ABR: variants seen among roughly 807,000 people sequenced by gnomAD.
ABR encodes active breakpoint cluster region-related protein.
ABR carries 35 observed loss-of-function variants against 107.2 expected under a neutral mutation model. The ratio of observed to expected loss-of-function variants is 0.33; its 90% CI spans 0.25 to 0.43. The LOEUF is 0.43. Among genes scored for constraint, ABR ranks in the 20% least tolerant of loss-of-function variants. ABR has a pLI of 1.00. For synonymous variants in ABR, 498 were observed against 462.0 expected (o/e 1.08, Z -1.00); for missense variants, 815 against 1,115.2 (o/e 0.73, Z 3.83).
At chr17:1,199,701 C>A (rs974813808) in intron 1 of ABR, among the ~76,000 whole-genome samples, 2 of 152,174 alleles carry the variant, frequency 1.3e-5, no homozygotes. Flanking sequence ...GATCCACCCA[C>A]CTCAGCTGCC....
At chr17:1,035,866 G>C (rs1218847702) in intron 16 of ABR, among the ~76,000 whole-genome samples, 4 of 150,826 alleles carry the variant, frequency 2.7e-5, no homozygotes. Flanking sequence ...CTAGGGAGGG[G>C]GTCATGCCAC....
Position 1,106,691 on chromosome 17 carries a change from G to A in ABR, c.247-5956C>T, listed in dbSNP as rs576497746. Among the ~76,000 whole-genome samples the A allele has an allele frequency of 2.6e-4, 40 of 152,044 alleles. 1 individual carries two copies. In the South Asian group the frequency reaches 6.4e-3, roughly 24 times the overall value. On this transcript the variant is annotated intron_variant, in intron 2 of 22. Coordinates refer to ENST00000302538, the MANE Select transcript of ABR (RefSeq NM_021962.5). ...ATTACAGACGCCCACCACTACGCCCGGCTAATTTTTGTATTTTTAGTAGAG... is the reference window on the plus strand; with the variant it reads ...ATTACAGACGCCCACCACTACGCCCAGCTAATTTTTGTATTTTTAGTAGAG...
chr17:1,126,077 G>T (rs984579250), intron 1 of ABR, among the ~76,000 whole-genome samples: 2 of 152,152 alleles, frequency 1.3e-5, no homozygotes, highest in African/African-American at 4.8e-5. Context: ...AAGTTGAGCC[G>T]CATTAACCCC....
In ABR at chr17:1,109,128, G is replaced by GA; in HGVS notation, c.247-8394dup. ...GGGGTCCACGCAGCGGCGGCGGGAGGAGGGAGGAGGGAGGAGGCGGGCGGG... is the reference window on the plus strand; with the variant it reads ...GGGGTCCACGCAGCGGCGGCGGGAGGAAGGGAGGAGGGAGGAGGCGGGCGGG... On this transcript the variant is annotated intron_variant, in intron 2 of 22. Transcript: ENST00000302538. 1.5e-5 allele frequency: 22 copies of GA among 1,491,682 alleles called. No homozygotes were observed. The South Asian group carries it at 2.7e-4, about 18-fold the overall frequency. The allele number at this position is 1,491,682 out of a possible 1,614,324, so 92.4% of individuals were successfully genotyped here. A position where few individuals can be genotyped will look rare whatever the true frequency, so the allele number is the denominator to read the frequency against.
chr17:1,109,549 G>T (rs1005726923), intron 2 of ABR, among the ~76,000 whole-genome samples: 1 of 151,970 alleles, frequency 6.6e-6, no homozygotes. Flanking sequence ...CCGGGCCGGG[G>T]TGGGGTGGAG....
At chr17:1,191,375 T>TTTTTG (rs1567878920), upstream of ABR, among the ~76,000 whole-genome samples, 6 of 143,452 alleles carry the variant, frequency 4.2e-5, no homozygotes, top group South Asian at 2.2e-4. Context: ...TTTTTTTTTT[T>TTTTTG]GAGACAGAGT....
chr17:1,103,806 G>C (rs1344159359), intron 2 of ABR, among the ~76,000 whole-genome samples: 3 of 152,170 alleles, frequency 2.0e-5, no homozygotes, highest in Non-Finnish European at 4.4e-5. Context: ...TGGGAAATTA[G>C]CCTCGGTGCA....
Position 1,071,091 on chromosome 17 carries a change from G to C in ABR, c.895-1001C>G, listed in dbSNP as rs185299625. Among the ~76,000 whole-genome samples, 2 of 152,116 alleles carry C rather than the reference G, an allele frequency of 1.3e-5. No individual in the cohort carries two copies. Among genetic ancestry groups the C allele is most frequent in the Non-Finnish European group, 2.9e-5 (2 of 68,014 alleles). ...GGCAGGAGAATTGCTTGAACCCAGAGGGTGGAGGCTGCAGTGGAGCTGAGG... is the reference window on the plus strand; with the variant it reads ...GGCAGGAGAATTGCTTGAACCCAGACGGTGGAGGCTGCAGTGGAGCTGAGG... On this transcript the variant is annotated intron_variant, in intron 8 of 22. Transcript: ENST00000302538. The surrounding 1 kb of genome is among the most constrained non-coding windows in gnomAD (Gnocchi z 5.1).
chr17:1,103,516 G>C (rs550574754), intron 2 of ABR, among the ~76,000 whole-genome samples: 10 of 152,266 alleles, frequency 6.6e-5, no homozygotes, highest in South Asian at 2.1e-4. Context: ...GGACTAGGAT[G>C]GGGGGAAGAA....
upstream of ABR, among the ~76,000 whole-genome samples, chr17:1,188,581 G>C (rs9904973): frequency 0.02 from 3,036 of 152,112 alleles, 104 homozygotes; most frequent in African/African-American, 0.07. Context: ...ACAATAACTA[G>C]GGGTCGCTAC....
chr17:1,184,690 C>T (rs1362276681), upstream of ABR, among the ~76,000 whole-genome samples: 5 of 148,030 alleles, frequency 3.4e-5, no homozygotes, highest in African/African-American at 1.3e-4. Context: ...GAGACAGAGT[C>T]TTGCTCTGTC....
chr17:1,070,865 C>T lies in ABR; in HGVS notation c.895-775G>A, dbSNP rs2035183484. ...CGTAGGTGAGCGTATTCAAAGTATA[C>T]AATTAAGATGACCGAGGCCGGGCGC... is the stretch of plus-strand genomic sequence containing the variant. On this transcript the variant is annotated intron_variant, in intron 8 of 22. Coordinates refer to ENST00000302538, the MANE Select transcript of ABR (RefSeq NM_021962.5). This position sits in a 1 kb window ranked among gnomAD's most constrained non-coding sequence, Gnocchi z 4.2. 6.6e-6 allele frequency among the ~76,000 whole-genome samples: 1 copy of T among 152,102 alleles called. No individual in the cohort carries two copies. The highest frequency in any genetic ancestry group is 2.1e-4 in the South Asian group (1 of 4,830).
intron 9 of ABR, among the ~76,000 whole-genome samples, chr17:1,068,938 T>C (rs1455669991): frequency 6.6e-6 from 1 of 152,252 alleles, no homozygotes; most frequent in Non-Finnish European, 1.5e-5. Flanking sequence ...GCACCTGGCA[T>C]GGCATAAACC....
intron 1 of ABR, among the ~76,000 whole-genome samples, chr17:1,164,567 C>A (rs906507579): frequency 3.3e-5 from 5 of 150,676 alleles, no homozygotes; most frequent in Admixed American, 2.0e-4. Context: ...GACAAGCTTT[C>A]GGTCTACAGA....
At chr17:1,056,884 C>G in intron 13 of ABR, 114 bp downstream of exon 13, 1 of 709,998 alleles carries the variant, frequency 1.4e-6, no homozygotes, top group South Asian at 1.6e-5. Flanking sequence ...TCAGCACAGC[C>G]GAGCAGGGAT....
intron 4 of ABR, 133 bp from the exon 5 acceptor site, chr17:1,083,760 G>C (rs1435091097): frequency 2.7e-6 from 2 of 731,678 alleles, no homozygotes; most frequent in African/African-American, 1.7e-5. Flanking sequence ...TTGGGAACTT[G>C]GGGAAACGCA....
At chr17:1,009,881 C>A in intron 20 of ABR, 97 bp from the exon 21 acceptor site, 1 of 1,064,498 alleles carries the variant, frequency 9.4e-7, no homozygotes, top group South Asian at 1.3e-5. Context: ...GGAGAGAGCC[C>A]AGGCTTCCAG....
At chr17:1,193,277 C>CCT (rs2042476421) in intron 1 of ABR, among the ~76,000 whole-genome samples, 1 of 151,156 alleles carries the variant, frequency 6.6e-6, no homozygotes, top group Non-Finnish European at 1.5e-5. Context: ...ACCCCCTCCC[C>CCT]CTCAATACCC....
chr17:1,051,338 G>T lies in ABR; in HGVS notation c.1562-704C>A, dbSNP rs984449729. 6.6e-6 allele frequency among the ~76,000 whole-genome samples: 1 copy of T among 151,600 alleles called. No homozygotes were observed. Among genetic ancestry groups the T allele is most frequent in the Non-Finnish European group, 1.5e-5 (1 of 67,888 alleles). On this transcript the variant is annotated intron_variant, in intron 14 of 22. Transcript: ENST00000302538. This position sits in a 1 kb window ranked among gnomAD's most constrained non-coding sequence, Gnocchi z 4.3. ...CCTGCCGGTGTACCCGCAGTACCAA[G>T]AACAGGGCTGGGAACCCAGCTGGCA...
Sources: gnomAD v4.1 joint callset for allele counts (sites outside exome capture counted in the v4.1 genomes callset) on GRCh38, gnomAD v4.1.1 for gene constraint, Gnocchi (gnomAD v3.1) non-coding constraint, MANE v1.5 for transcripts, NCBI Gene and HGNC (gene_info 2026-07-23, HGNC 2026-07-21) for gene names.